Variants in WTAP observed in about 807,000 individuals in gnomAD.
WTAP encodes WT1 associated protein.
Under a neutral mutation model 50.0 loss-of-function variants are expected in WTAP, and 8 were observed. The observed-to-expected ratio is 0.16, with a 90% CI of 0.09 to 0.29. The LOEUF (loss-of-function observed/expected upper bound fraction) is 0.29. Among genes scored for constraint, WTAP ranks in the 10% least tolerant of loss-of-function variants. WTAP has a pLI of 1.00. For missense variants in WTAP, 295 were observed against 470.7 expected, an observed-to-expected ratio of 0.63 and a Z score of 3.45; for synonymous variants, 194 against 169.0, an observed-to-expected ratio of 1.15 and a Z score of -1.15.
chr6:159,741,788 G>A (rs1779270666), intron 3 of WTAP: 4 of 221,976 alleles, frequency 1.8e-5, no homozygotes, highest in South Asian at 1.8e-4. Context: ...GGGAGTTCAA[G>A]ACCAGCCTGG....
chr6:159,749,105 C>G (rs1173939710), intron 6 of WTAP: 31 of 986,462 alleles, frequency 3.1e-5, no homozygotes, highest in Non-Finnish European at 3.5e-5. Context: ...ATGGTTTGTT[C>G]TTTGAATGGT....
At chr6:159,746,359 A>G (rs1779573107) in intron 5 of WTAP, among the ~76,000 whole-genome samples, 1 of 152,228 alleles carries the variant, frequency 6.6e-6, no homozygotes, top group Non-Finnish European at 1.5e-5. Flanking sequence ...TGAGTGAAAA[A>G]TAGTGGAAAG....
Position 159,747,468 on chromosome 6 carries a change from T to C in WTAP, c.274-723T>C, listed in dbSNP as rs1172074139. On this transcript the variant is annotated intron_variant, in intron 5 of 7. Transcript: ENST00000621533. ...TTTACAATTCTATGATTCGGATCTA[T>C]TCAGAAGGGGAAAAATATGAATTAT... Among the ~76,000 whole-genome samples the C allele has an allele frequency of 1.3e-5, 2 of 151,942 alleles. 1 individual carries two copies. The highest frequency in any genetic ancestry group is 2.9e-5 in the Non-Finnish European group (2 of 67,916).
chr6:159,749,598 A>G (rs1254390803), intron 6 of WTAP, among the ~76,000 whole-genome samples: 2 of 152,212 alleles, frequency 1.3e-5, no homozygotes, highest in African/African-American at 4.8e-5. Context: ...AAAGACCTAC[A>G]TAAAAGACAA....
intron 1 of WTAP, among the ~76,000 whole-genome samples, chr6:159,730,515 A>G (rs1778501205): frequency 6.6e-6 from 1 of 152,226 alleles, no homozygotes. Context: ...CAAAATTGCC[A>G]ATTAGGTTCT....
intron 6 of WTAP, among the ~76,000 whole-genome samples, chr6:159,750,311 ATCTT>A (rs1779771715): frequency 6.6e-6 from 1 of 152,218 alleles, no homozygotes. Context: ...TTGAGCAGGC[ATCTT>A]TCTTTGACAC....
At chr6:159,747,533 A>G (rs899801135) in intron 5 of WTAP, among the ~76,000 whole-genome samples, 4 of 152,202 alleles carry the variant, frequency 2.6e-5, no homozygotes, top group African/African-American at 9.6e-5. Context: ...TTTTGCTTTT[A>G]TAAAGCTGTA....
chr6:159,727,640 A>AG lies in WTAP; in HGVS notation c.-69dup. ...CGGTGGCCCGGGGGGCCCGGGCGGC[A>AG]GGGCAAGCAGCGCGGCCTCGGCCTA... is the stretch of plus-strand genomic sequence containing the variant. On this transcript the variant is annotated 5_prime_UTR_variant, in exon 1 of 8. Coordinates refer to ENST00000621533, the MANE Select transcript of WTAP (RefSeq NM_001270531.2). The AG allele has an allele frequency of 1.0e-6, 1 of 985,492 alleles. No homozygotes were observed. The highest frequency in any genetic ancestry group is 1.2e-6 in the Non-Finnish European group (1 of 830,472). The allele number at this position is 985,492 out of a possible 1,614,324, so 61.0% of individuals were successfully genotyped here.
chr6:159,728,139 G>A (rs1032697861), intron 1 of WTAP, among the ~76,000 whole-genome samples: 1 of 152,244 alleles, frequency 6.6e-6, no homozygotes, highest in Non-Finnish European at 1.5e-5. Context: ...CACGCAGTAG[G>A]ATGTTACTAC....
rs1804050 is a variant in WTAP, at chr6:159,748,775, C to T, written c.452+406C>T. Reference sequence around the variant, plus strand: ...GAATGAAAACCTAGAGATTTTAAATCATGAATTGAACATGTAAAATTCCAG... The same window carrying T: ...GAATGAAAACCTAGAGATTTTAAATTATGAATTGAACATGTAAAATTCCAG... On this transcript the variant is annotated intron_variant, in intron 6 of 7. Transcript: ENST00000621533. This position sits in a 1 kb window ranked among gnomAD's most constrained non-coding sequence, Gnocchi z 5.6. 1.6e-6 allele frequency: 2 copies of T among 1,234,384 alleles called. No individual in the cohort carries two copies. Among genetic ancestry groups the T allele is most frequent in the African/African-American group, 3.1e-5 (2 of 64,428 alleles). The allele number at this position is 1,234,384 out of a possible 1,614,324, so 76.5% of individuals were successfully genotyped here. A position where few individuals can be genotyped will look rare whatever the true frequency, so the allele number is the denominator to read the frequency against.
chr6:159,732,874 G>GTA (rs770397932), intron 1 of WTAP, among the ~76,000 whole-genome samples: 2,053 of 125,280 alleles, frequency 0.016, 24 homozygotes, highest in Non-Finnish European at 0.023. Flanking sequence ...CTCTCTCTCT[G>GTA]TATATATATA....
intron 1 of WTAP, among the ~76,000 whole-genome samples, chr6:159,734,371 A>G (rs1171054020): frequency 2.6e-5 from 2 of 78,256 alleles, no homozygotes; most frequent in African/African-American, 7.2e-5. Flanking sequence ...GTGAGACTCC[A>G]TCTCAAAAAA....
At chr6:159,738,929 CAT>C in intron 2 of WTAP, 59 bp from the exon 3 acceptor site, 2 of 1,266,324 alleles carry the variant, frequency 1.6e-6, no homozygotes, top group South Asian at 2.6e-5. Context: ...TCATAGGTCT[CAT>C]TATAGAACTT....
chr6:159,748,411 C>T lies in WTAP; in HGVS notation c.452+42C>T. The stretch of plus-strand genomic sequence containing the variant: ...CCCCAGTCAAGACTTCCCTGACAGT[C>T]CCACTACGAGAAAGCTGTGGTGGGA... On this transcript the variant is annotated intron_variant, in intron 6 of 7. Transcript: ENST00000621533. The surrounding 1 kb of genome is among the most constrained non-coding windows in gnomAD (Gnocchi z 5.6). 6.2e-7 allele frequency: 1 copy of T among 1,605,880 alleles called. No homozygotes were observed. Among genetic ancestry groups the T allele is most frequent in the Non-Finnish European group, 8.5e-7 (1 of 1,174,460 alleles).
intron 1 of WTAP, among the ~76,000 whole-genome samples, chr6:159,730,371 A>G (rs777032701): frequency 1.3e-5 from 2 of 152,162 alleles, no homozygotes; most frequent in African/African-American, 2.4e-5. Context: ...TGTTCTGAGA[A>G]CCTAGAATAT....
At chr6:159,733,965 C>CA (rs1192481094) in intron 1 of WTAP, among the ~76,000 whole-genome samples, 2 of 152,168 alleles carry the variant, frequency 1.3e-5, no homozygotes, top group Non-Finnish European at 2.9e-5. Flanking sequence ...AATCTAAGAT[C>CA]AATTTATGAT....
chr6:159,744,205 C>A (rs1479751725), intron 5 of WTAP, among the ~76,000 whole-genome samples: 2 of 151,578 alleles, frequency 1.3e-5, no homozygotes, highest in African/African-American at 4.9e-5. Context: ...CTAGTGTCAG[C>A]AACCTCTTTA....
At chr6:159,737,608 T>C (rs2758315) in intron 2 of WTAP, among the ~76,000 whole-genome samples, 117,980 of 151,962 alleles carry the variant, frequency 0.78, 46,098 homozygotes, top group South Asian at 0.85. Context: ...CCTCCCACCT[T>C]TGCCCCCCAA....
At chr6:159,739,953 A>T (rs532986420) in intron 3 of WTAP, among the ~76,000 whole-genome samples, 1 of 144,536 alleles carries the variant, frequency 6.9e-6, no homozygotes, top group East Asian at 2.1e-4. Context: ...CTTCTGTCTT[A>T]TGCTGAAGTA....
Sources: gnomAD v4.1 joint callset for allele counts (sites outside exome capture counted in the v4.1 genomes callset) on GRCh38, gnomAD v4.1.1 for gene constraint, Gnocchi (gnomAD v3.1) non-coding constraint, MANE v1.5 for transcripts, NCBI Gene and HGNC (gene_info 2026-07-23, HGNC 2026-07-21) for gene names.